DEPDC1: variants seen among roughly 807,000 people sequenced by gnomAD.
The protein encoded by DEPDC1 is DEP domain containing 1.
Under a neutral mutation model 86.8 loss-of-function variants are expected in DEPDC1, and 66 were observed. The ratio of observed to expected loss-of-function variants is 0.76; its 90% CI spans 0.62 to 0.93. The LOEUF is 0.93. DEPDC1 is among the 40% of genes least tolerant of loss of function. DEPDC1 has a pLI of 0.00. For synonymous variants in DEPDC1, 255 were observed against 314.9 expected (o/e 0.81, Z 2.02); for missense variants, 792 against 935.7 (o/e 0.85, Z 2.00).
intron 2 of DEPDC1, among the ~76,000 whole-genome samples, chr1:68,491,829 G>C (rs2100270633): frequency 6.6e-6 from 1 of 151,782 alleles, no homozygotes; most frequent in South Asian, 2.1e-4. Context: ...GTGCAGTAGT[G>C]TGATCACGGC....
intron 5 of DEPDC1, 88 bp from the exon 6 acceptor site, chr1:68,487,072 A>G (rs1557620621): frequency 8.3e-7 from 1 of 1,203,776 alleles, no homozygotes; most frequent in Non-Finnish European, 1.2e-6. Flanking sequence ...GCAATTATAT[A>G]TATGTATATA....
chr1:68,489,715 C>A, intron 2 of DEPDC1, 107 bp from the exon 3 acceptor site: 2 of 726,660 alleles, frequency 2.8e-6, no homozygotes, highest in Non-Finnish European at 2.1e-6. Flanking sequence ...ATTAATACTA[C>A]CAAGTAATAA....
At chr1:68,484,566 T>C (rs893125651) in intron 6 of DEPDC1, among the ~76,000 whole-genome samples, 4 of 151,988 alleles carry the variant, frequency 2.6e-5, no homozygotes, top group African/African-American at 9.7e-5. Flanking sequence ...GAAATAATCA[T>C]ACCTACTCAT....
intron 7 of DEPDC1, chr1:68,483,429 G>C: frequency 6.7e-6 from 3 of 450,856 alleles, no homozygotes; most frequent in South Asian, 5.1e-5. Flanking sequence ...CTTGTGGGAG[G>C]AGAAAGGGGC....
chr1:68,489,310 A>G, intron 3 of DEPDC1, 142 bp downstream of exon 3: 1 of 577,178 alleles, frequency 1.7e-6, no homozygotes, highest in Non-Finnish European at 2.9e-6. Flanking sequence ...ACAATTTTAT[A>G]TATACATATT....
intron 11 of DEPDC1, 146 bp from the exon 12 acceptor site, chr1:68,477,215 CTCTCT>C: frequency 1.7e-6 from 1 of 588,408 alleles, no homozygotes; most frequent in Non-Finnish European, 2.8e-6. Flanking sequence ...GCCTTTCCCT[CTCTCT>C]TCTCATGTGA....
rs758984738 is a variant in DEPDC1, at chr1:68,482,865, A to C, written c.943T>G (p.Ser315Ala). The C allele has an allele frequency of 6.3e-7, 1 of 1,595,668 alleles. No individual in the cohort carries two copies. The highest frequency in any genetic ancestry group is 1.4e-5 in the African/African-American group (1 of 74,004). ...VCGYITVSDR[S>A]SGIHKIQDDP... ...TCTTGAATTTTATGTATCCCACTGG[A>C]TCTATCTGAAACTGTGATGTAGCCA... Residue 315 changes from serine to alanine, a missense_variant, in exon 8 of 12, where the codon TCC (serine) becomes GCC (alanine). Coordinates refer to ENST00000456315, the MANE Select transcript of DEPDC1 (RefSeq NM_001114120.3).
chr1:68,488,284 A>G (rs778774348), intron 5 of DEPDC1, 90 bp downstream of exon 5: 7 of 1,239,886 alleles, frequency 5.6e-6, no homozygotes, highest in Admixed American at 3.0e-5. Flanking sequence ...AAAGTATTCT[A>G]CTTTCAATAT....
chr1:68,491,454 C>T (rs1283630624), intron 2 of DEPDC1, among the ~76,000 whole-genome samples: 1 of 152,040 alleles, frequency 6.6e-6, no homozygotes, highest in South Asian at 2.1e-4. Context: ...TAAATCAAAA[C>T]TATAATGAGA....
chr1:68,485,840 CA>C (rs960086597), intron 6 of DEPDC1, among the ~76,000 whole-genome samples: 10 of 152,106 alleles, frequency 6.6e-5, no homozygotes, highest in African/African-American at 2.2e-4. Context: ...CAGTGGACAA[CA>C]AAGGAATATA....
At position 68,479,229 on chromosome 1, in the gene DEPDC1, A is replaced by G; in HGVS notation, c.2027T>C (p.Met676Thr). 1 of 1,612,696 alleles carries G rather than the reference A, an allele frequency of 6.2e-7. No individual in the cohort carries two copies. Among genetic ancestry groups the G allele is most frequent in the Non-Finnish European group, 8.5e-7 (1 of 1,179,290 alleles). Reference sequence around the variant, plus strand: ...TTGAAGAATTTCCTGATGATGATCCATTAAGAAAGAAACTAATCTTCCAGC... The same window carrying G: ...TTGAAGAATTTCCTGATGATGATCCGTTAAGAAAGAAACTAATCTTCCAGC... ...LLAGRLVSFL[M>T]DHHQEILQVP... Residue 676 changes from methionine to threonine, a missense_variant, in exon 10 of 12, where the codon ATG (methionine) becomes ACG (threonine). By Grantham distance (81) the Met-to-Thr change is moderately conservative. Coordinates refer to ENST00000456315, the MANE Select transcript of DEPDC1 (RefSeq NM_001114120.3).
At chr1:68,493,961 A>G (rs1646246476) in intron 2 of DEPDC1, among the ~76,000 whole-genome samples, 1 of 152,088 alleles carries the variant, frequency 6.6e-6, no homozygotes. Flanking sequence ...CAGCCTCCCA[A>G]AGTGCTGGGA....
intron 6 of DEPDC1, 42 bp downstream of exon 6, chr1:68,486,890 ACACAC>A: frequency 7.3e-7 from 1 of 1,368,906 alleles, no homozygotes. Context: ...TAACACACAC[ACACAC>A]ACACACACAC....
In DEPDC1 at chr1:68,488,364, T is replaced by C; in HGVS notation, c.721+10A>G. On this transcript the variant is annotated intron_variant, in intron 5 of 11. Transcript: ENST00000456315. ...GTTTTTAAAAGTCCAATTATTTTAT[T>C]AATACCAACCTGATTTGTTTTGTAG... The C allele has an allele frequency of 6.4e-7, 1 of 1,565,842 alleles. No homozygotes were observed. The highest frequency in any genetic ancestry group is 8.6e-7 in the Non-Finnish European group (1 of 1,164,164).
At chr1:68,493,679 TAATA>T (rs1557623439) in intron 2 of DEPDC1, among the ~76,000 whole-genome samples, 1 of 152,214 alleles carries the variant, frequency 6.6e-6, no homozygotes, top group Non-Finnish European at 1.5e-5. Context: ...CTTAACTGCT[TAATA>T]AATATTCTCT....
rs1646106061 is a variant in DEPDC1, at chr1:68,475,082, T to C, written c.*1850A>G. ...TAATCCTCGCAATCCTAAAAAGAGG[T>C]ACTATTATAATATTCATTTTATAGA... On this transcript the variant is annotated 3_prime_UTR_variant, in exon 12 of 12. Transcript: ENST00000456315. 6.6e-6 allele frequency: 1 copy of C among 151,960 alleles called. No individual in the cohort carries two copies. The highest frequency in any genetic ancestry group is 1.5e-5 in the Non-Finnish European group (1 of 67,892). 9.4% of individuals were successfully genotyped at this position (151,960 alleles called of 1,614,324 possible). A position where few individuals can be genotyped will look rare whatever the true frequency, so the allele number is the denominator to read the frequency against.
chr1:68,474,573 T>TA lies in DEPDC1; in HGVS notation c.*2358_*2359insT, dbSNP rs1646102173. 6.6e-6 allele frequency: 1 copy of TA among 152,054 alleles called. No individual in the cohort carries two copies. The highest frequency in any genetic ancestry group is 1.5e-5 in the Non-Finnish European group (1 of 67,982). The allele number at this position is 152,054 out of a possible 1,614,324, so 9.4% of individuals were successfully genotyped here. ...TGTGCATTCCCACAATTAGGCTTTT[T>TA]CACACTTTCTCTCTTTAAATGTGCA... On this transcript the variant is annotated 3_prime_UTR_variant, in exon 12 of 12. Transcript: ENST00000456315.
intron 10 of DEPDC1, among the ~76,000 whole-genome samples, chr1:68,478,546 C>A (rs1646132444): frequency 6.6e-6 from 1 of 151,158 alleles, no homozygotes; most frequent in South Asian, 2.1e-4. Context: ...TAAGCCAGGG[C>A]AATATTAGAA....
chr1:68,487,262 T>C (rs1357157405), intron 5 of DEPDC1, among the ~76,000 whole-genome samples: 3 of 152,022 alleles, frequency 2.0e-5, no homozygotes. Context: ...AATTGAGGAT[T>C]ATTTTGAGGG....
Sources: allele counts gnomAD v4.1 joint callset (sites outside exome capture counted in the v4.1 genomes callset), GRCh38; gene constraint gnomAD v4.1.1; transcripts MANE v1.5; gene names NCBI Gene and HGNC (gene_info 2026-07-23, HGNC 2026-07-21).